RPSA2: variants seen among roughly 807,000 people sequenced by gnomAD.
The protein encoded by RPSA2 is ribosomal protein SA 2, also known as small ribosomal subunit protein uS2B.
the RPSA2 span, among the ~76,000 whole-genome samples, chr19:23,825,552 A>G: frequency 6.6e-6 from 1 of 151,916 alleles, no homozygotes; most frequent in Non-Finnish European, 1.5e-5. Context: ...TTTGTTGTGA[A>G]TGGTTTTCTA....
At chr19:23,832,740 A>G in the RPSA2 span, 13 of 1,552,702 alleles carry the variant, frequency 8.4e-6, no homozygotes, top group South Asian at 1.4e-4. Context: ...AATATGAAAA[A>G]GCTTTTAGCC....
chr19:23,818,129 AT>A, the RPSA2 span: 1 of 152,138 alleles, frequency 6.6e-6, no homozygotes, highest in Non-Finnish European at 1.5e-5. Context: ...TTAATTTTTC[AT>A]GAAAAGGCAA....
chr19:23,859,110 C>T, the RPSA2 span, among the ~76,000 whole-genome samples: 1 of 152,106 alleles, frequency 6.6e-6, no homozygotes, highest in Non-Finnish European at 1.5e-5. Flanking sequence ...CAGGTATTTA[C>T]CCCAGACAAG....
chr19:23,807,392 T>C, the RPSA2 span, among the ~76,000 whole-genome samples: 5 of 152,346 alleles, frequency 3.3e-5, no homozygotes, highest in South Asian at 6.2e-4. Flanking sequence ...ATAATCTGCA[T>C]TAACATGATG....
chr19:23,855,902 G>T, the RPSA2 span, among the ~76,000 whole-genome samples: 1 of 152,148 alleles, frequency 6.6e-6, no homozygotes, highest in Admixed American at 6.6e-5. Flanking sequence ...GACCGCAAAG[G>T]TTTGGAGAGG....
At chr19:23,775,672 T>C in the RPSA2 span, among the ~76,000 whole-genome samples, 3 of 152,222 alleles carry the variant, frequency 2.0e-5, no homozygotes, top group African/African-American at 4.8e-5. Flanking sequence ...GAAAATTTAC[T>C]CTCATAAGTG....
chr19:23,850,826 T>C, the RPSA2 span, among the ~76,000 whole-genome samples: 1 of 152,110 alleles, frequency 6.6e-6, no homozygotes, highest in South Asian at 2.1e-4. Context: ...AAGTAAACAA[T>C]GCTAAATGTA....
At chr19:23,867,119 C>T in the RPSA2 span, among the ~76,000 whole-genome samples, 2 of 152,106 alleles carry the variant, frequency 1.3e-5, no homozygotes, top group Admixed American at 6.5e-5. Context: ...CAACCCTTAG[C>T]CTCTAATAGA....
At chr19:23,801,495 C>T in the RPSA2 span, among the ~76,000 whole-genome samples, 1 of 152,172 alleles carries the variant, frequency 6.6e-6, no homozygotes, top group Non-Finnish European at 1.5e-5. Flanking sequence ...CTTGCGTCGG[C>T]CTCCCAAAAT....
chr19:23,854,021 T>TA, the RPSA2 span, among the ~76,000 whole-genome samples: 1 of 152,214 alleles, frequency 6.6e-6, no homozygotes, highest in Non-Finnish European at 1.5e-5. Context: ...ATTAATCCAA[T>TA]AAGCGGCTTT....
the RPSA2 span, chr19:23,799,077 C>A: frequency 9.8e-5 from 15 of 152,328 alleles, no homozygotes; most frequent in African/African-American, 3.6e-4. Flanking sequence ...GTTTCTCATG[C>A]TGAGAGTAGC....
At chr19:23,840,413 T>G in the RPSA2 span, among the ~76,000 whole-genome samples, 1 of 152,150 alleles carries the variant, frequency 6.6e-6, no homozygotes, top group Non-Finnish European at 1.5e-5. Flanking sequence ...CCTGAGCAGG[T>G]GAAGATATAA....
the RPSA2 span, among the ~76,000 whole-genome samples, chr19:23,861,733 G>A: frequency 1.1e-4 from 17 of 152,124 alleles, no homozygotes; most frequent in African/African-American, 1.9e-4. Context: ...CAGAAGGGAA[G>A]GTCTAACTTT....
At chr19:23,838,203 T>C in the RPSA2 span, among the ~76,000 whole-genome samples, 1 of 152,220 alleles carries the variant, frequency 6.6e-6, no homozygotes, top group African/African-American at 2.4e-5. Context: ...GAGATGATCA[T>C]GTGATTTTTG....
the RPSA2 span, among the ~76,000 whole-genome samples, chr19:23,764,171 C>G: frequency 2.0e-5 from 3 of 152,160 alleles, 1 homozygote. Context: ...TTTTTAATTA[C>G]TTTAACACTC....
chr19:23,858,223 AG>A, the RPSA2 span, among the ~76,000 whole-genome samples: 7 of 131,044 alleles, frequency 5.3e-5, no homozygotes, highest in East Asian at 1.7e-3. Flanking sequence ...GGTCATTGAA[AG>A]CCAGCACACC....
the RPSA2 span, among the ~76,000 whole-genome samples, chr19:23,796,877 C>A: frequency 1.0e-5 from 1 of 100,034 alleles, no homozygotes; most frequent in African/African-American, 3.7e-5. Flanking sequence ...TTTTTTTTTT[C>A]ATAGACTTAA....
At chr19:23,783,161 T>C in the RPSA2 span, among the ~76,000 whole-genome samples, 5 of 152,042 alleles carry the variant, frequency 3.3e-5, no homozygotes, top group African/African-American at 1.2e-4. Flanking sequence ...AATGGCACCA[T>C]GTCAGCTCAC....
At chr19:23,853,001 C>G in the RPSA2 span, among the ~76,000 whole-genome samples, 14 of 152,136 alleles carry the variant, frequency 9.2e-5, no homozygotes, top group Admixed American at 2.6e-4. Flanking sequence ...GTGGGGTCAG[C>G]AATTAATATC....
Sources: gnomAD v4.1 joint callset for allele counts (sites outside exome capture counted in the v4.1 genomes callset) on GRCh38, gnomAD v4.1.1 for gene constraint, MANE v1.5 for transcripts, NCBI Gene and HGNC (gene_info 2026-07-23, HGNC 2026-07-21) for gene names.